The following CCDC85A variants were observed in gnomAD, a reference collection of about 807,000 sequenced individuals.
CCDC85A encodes coiled-coil domain-containing protein 85A.
In CCDC85A, 38 loss-of-function variants were observed where a neutral mutation model predicts 50.2. The observed-to-expected ratio is 0.76, with a 90% confidence interval of 0.58 to 0.99. CCDC85A has a LOEUF of 0.99. Ranked by LOEUF, CCDC85A falls within the 50% of genes least tolerant of loss-of-function variation. The pLI, the probability that CCDC85A is intolerant of heterozygous loss-of-function variation, is 0.00. For synonymous variants in CCDC85A, 366 were observed against 301.4 expected (o/e 1.21, Z -2.22); for missense variants, 820 against 742.0 (o/e 1.11, Z -1.22).
At chr2:56,277,351 G>A (rs1670997796) in intron 2 of CCDC85A, among the ~76,000 whole-genome samples, 2 of 152,070 alleles carry the variant, frequency 1.3e-5, no homozygotes, top group Admixed American at 6.6e-5. Context: ...TTTGGGAACA[G>A]AAAACCCAAA....
intron 3 of CCDC85A, among the ~76,000 whole-genome samples, chr2:56,350,906 G>A (rs925459644): frequency 1.5e-4 from 22 of 148,270 alleles, no homozygotes; most frequent in Admixed American, 2.7e-4. Flanking sequence ...CAATGTGCAG[G>A]TTAGTTACAT....
chr2:56,208,724 C>T (rs555547836), intron 2 of CCDC85A, among the ~76,000 whole-genome samples: 5 of 152,010 alleles, frequency 3.3e-5, no homozygotes, highest in African/African-American at 7.2e-5. Flanking sequence ...CTAGGCTCAC[C>T]CAACACATAT....
chr2:56,205,145 T>C (rs1419418307), intron 2 of CCDC85A, among the ~76,000 whole-genome samples: 1 of 152,174 alleles, frequency 6.6e-6, no homozygotes, highest in African/African-American at 2.4e-5. Context: ...CACTCCATTG[T>C]AGATCTGATT....
intron 2 of CCDC85A, among the ~76,000 whole-genome samples, chr2:56,228,865 A>T (rs1668659324): frequency 2.0e-5 from 3 of 152,168 alleles, no homozygotes; most frequent in Admixed American, 6.6e-5. Context: ...ATACCTGACC[A>T]TATTAAATTT....
chr2:56,231,389 C>T (rs1668765884), intron 2 of CCDC85A, among the ~76,000 whole-genome samples: 1 of 152,120 alleles, frequency 6.6e-6, no homozygotes, highest in African/African-American at 2.4e-5. Flanking sequence ...ATCAGTGAAA[C>T]AGCTGGAGTT....
At chr2:56,226,329 T>C (rs1210225606) in intron 2 of CCDC85A, among the ~76,000 whole-genome samples, 1 of 152,202 alleles carries the variant, frequency 6.6e-6, no homozygotes, top group Non-Finnish European at 1.5e-5. Flanking sequence ...TGCTTACCAT[T>C]GGTTACCCAG....
At chr2:56,254,032 G>T (rs1283645865) in intron 2 of CCDC85A, among the ~76,000 whole-genome samples, 2 of 152,006 alleles carry the variant, frequency 1.3e-5, no homozygotes, top group Non-Finnish European at 2.9e-5. Context: ...CTCAACTCTA[G>T]TCTTAAGGAA....
intron 3 of CCDC85A, among the ~76,000 whole-genome samples, chr2:56,371,718 A>G (rs1676082388): frequency 6.6e-6 from 1 of 152,056 alleles, no homozygotes; most frequent in Admixed American, 6.6e-5. Context: ...AGTTCTAATA[A>G]ATACATAAAA....
chr2:56,296,081 T>C (rs927289854), intron 2 of CCDC85A, among the ~76,000 whole-genome samples: 3 of 152,216 alleles, frequency 2.0e-5, no homozygotes, highest in African/African-American at 7.2e-5. Context: ...AATTTTCCTT[T>C]CCTCTATGTG....
At chr2:56,309,195 A>G (rs542993787) in intron 2 of CCDC85A, among the ~76,000 whole-genome samples, 63 of 152,286 alleles carry the variant, frequency 4.1e-4, no homozygotes, top group East Asian at 1.9e-3. Flanking sequence ...TCAGAGTTGT[A>G]TTTCTTGTTC....
At chr2:56,278,632 G>T (rs1413493843) in intron 2 of CCDC85A, among the ~76,000 whole-genome samples, 2 of 152,002 alleles carry the variant, frequency 1.3e-5, no homozygotes, top group Non-Finnish European at 2.9e-5. Flanking sequence ...GGAATGCAGT[G>T]GCACAATCTC....
Position 56,342,912 on chromosome 2 carries a change from C to A in CCDC85A, c.1274C>A (p.Ala425Glu). The part of the protein sequence containing the change: ...STLSYVRQLE[A>E]RVRQLEEENR... Reference sequence around the variant, plus strand: ...TTGTCCTATGTTAGGCAGCTGGAGGCAAGAGTAAGACAGCTGGAGGAAGAA... The same window carrying A: ...TTGTCCTATGTTAGGCAGCTGGAGGAAAGAGTAAGACAGCTGGAGGAAGAA... Residue 425 changes from alanine to glutamate, a missense_variant, in exon 3 of 6, where the codon GCA becomes GAA. Transcript: ENST00000407595. 1 of 1,597,156 alleles carries A rather than the reference C, an allele frequency of 6.3e-7. No individual in the cohort carries two copies. Among genetic ancestry groups the A allele is most frequent in the Non-Finnish European group, 8.5e-7 (1 of 1,170,978 alleles).
intron 2 of CCDC85A, among the ~76,000 whole-genome samples, chr2:56,270,564 A>G (rs1475286804): frequency 6.6e-6 from 1 of 152,222 alleles, no homozygotes; most frequent in Non-Finnish European, 1.5e-5. Flanking sequence ...TGCTTTTTCT[A>G]TTTAAGTCAA....
chr2:56,302,900 C>A (rs921794244), intron 2 of CCDC85A, among the ~76,000 whole-genome samples: 4 of 152,052 alleles, frequency 2.6e-5, no homozygotes, highest in Non-Finnish European at 5.9e-5. Context: ...ACATACTAAC[C>A]CTGTGAGACA....
At chr2:56,291,215 G>T (rs903812598) in intron 2 of CCDC85A, among the ~76,000 whole-genome samples, 2 of 152,172 alleles carry the variant, frequency 1.3e-5, no homozygotes, top group African/African-American at 2.4e-5. Flanking sequence ...TTGAGTAGAG[G>T]CTCAGTGACA....
At chr2:56,349,515 A>C (rs909244298) in intron 3 of CCDC85A, among the ~76,000 whole-genome samples, 2 of 152,218 alleles carry the variant, frequency 1.3e-5, no homozygotes, top group African/African-American at 4.8e-5. Context: ...TATAATTCAC[A>C]GGAAAAATGT....
At chr2:56,269,731 C>T (rs1670616344) in intron 2 of CCDC85A, among the ~76,000 whole-genome samples, 1 of 152,118 alleles carries the variant, frequency 6.6e-6, no homozygotes, top group Non-Finnish European at 1.5e-5. Context: ...ACCATCATCC[C>T]CCTCACTACA....
At chr2:56,247,944 T>C (rs943697779) in intron 2 of CCDC85A, among the ~76,000 whole-genome samples, 16 of 152,184 alleles carry the variant, frequency 1.1e-4, no homozygotes, top group African/African-American at 7.2e-5. Flanking sequence ...AGAGAAAAGA[T>C]AGAGTGCTAT....
At chr2:56,243,422 C>G (rs1669354748) in intron 2 of CCDC85A, among the ~76,000 whole-genome samples, 1 of 152,114 alleles carries the variant, frequency 6.6e-6, no homozygotes, top group Non-Finnish European at 1.5e-5. Flanking sequence ...TTAAGACACT[C>G]TGATGCGTTC....
Sources: allele counts gnomAD v4.1 joint callset (sites outside exome capture counted in the v4.1 genomes callset), GRCh38; gene constraint gnomAD v4.1.1; transcripts MANE v1.5; gene names NCBI Gene and HGNC (gene_info 2026-07-23, HGNC 2026-07-21).